SNTG1: variants seen among roughly 807,000 people sequenced by gnomAD.
SNTG1 encodes the protein gamma-1-syntrophin.
In SNTG1, 39 loss-of-function variants were observed where a neutral mutation model predicts 74.7. The observed-to-expected ratio is 0.52, with a 90% CI of 0.40 to 0.68. SNTG1 has a LOEUF of 0.68. SNTG1 is among the 30% of genes least tolerant of loss of function. The pLI is 0.00. For synonymous variants in SNTG1, 254 were observed against 217.1 expected (o/e 1.17, Z -1.49); for missense variants, 685 against 609.5 (o/e 1.12, Z -1.30).
In SNTG1 at chr8:50,067,424, A is replaced by C. The variant is rs533966813; in HGVS notation, c.-102-105137A>C. Among the ~76,000 whole-genome samples the C allele has an allele frequency of 2.6e-5, 4 of 152,324 alleles. No homozygotes were observed. The South Asian group carries it at 8.3e-4, about 32-fold the overall frequency. On this transcript the variant is annotated intron_variant, in intron 1 of 18. Transcript: ENST00000642720. ...ATTAGTCGAAATACAATTGTAGGCC[A>C]TATGGTTGTTTCAGGTCTCTCCATT...
intron 17 of SNTG1, among the ~76,000 whole-genome samples, chr8:50,742,138 T>A (rs75908633): frequency 0.027 from 4,065 of 151,910 alleles, 184 homozygotes; most frequent in African/African-American, 0.093. Context: ...TTATTAATTT[T>A]AAAAAAATCA....
At chr8:49,991,831 G>C (rs552628069) in intron 1 of SNTG1, among the ~76,000 whole-genome samples, 1 of 152,278 alleles carries the variant, frequency 6.6e-6, no homozygotes, top group African/African-American at 2.4e-5. Flanking sequence ...GAATGCTTGT[G>C]AGTACTTCTC....
intron 2 of SNTG1, among the ~76,000 whole-genome samples, chr8:50,275,771 G>T (rs956292027): frequency 3.9e-5 from 6 of 152,102 alleles, no homozygotes; most frequent in African/African-American, 1.4e-4. Context: ...GGACTCCAGC[G>T]ACTACTGCTC....
chr8:50,657,017 G>A lies in SNTG1; in HGVS notation c.958G>A (p.Ala320Thr), dbSNP rs1248076375. The change falls in exon 14 of 19, where the codon GCA becomes ACA. Residue 320 changes from alanine (A) to threonine (T), a missense_variant. Ala to Thr is a moderately conservative substitution (Grantham distance 58). Transcript: ENST00000642720. ...LRGSCLYKFL[A>T]PPVTTWDWTR... Reference sequence around the variant, plus strand: ...GGGCTCATGTCTCTACAAGTTTCTGGCACCTCCAGTACGTGTTTTATTGAA... The same window carrying A: ...GGGCTCATGTCTCTACAAGTTTCTGACACCTCCAGTACGTGTTTTATTGAA... The A allele has an allele frequency of 6.5e-7, 1 of 1,542,000 alleles. No homozygotes were observed.
intron 1 of SNTG1, among the ~76,000 whole-genome samples, chr8:50,092,163 C>T (rs555852488): frequency 2.0e-5 from 3 of 152,260 alleles, no homozygotes; most frequent in African/African-American, 7.2e-5. Flanking sequence ...CCTGGCCCAT[C>T]TGGTTAAGCT....
At chr8:50,021,275 C>T (rs919069189) in intron 1 of SNTG1, among the ~76,000 whole-genome samples, 2 of 152,184 alleles carry the variant, frequency 1.3e-5, no homozygotes, top group Non-Finnish European at 2.9e-5. Context: ...TCTACATTGT[C>T]ATTGTTTCTC....
chr8:50,290,884 A>G (rs2089062264), intron 2 of SNTG1, among the ~76,000 whole-genome samples: 1 of 151,850 alleles, frequency 6.6e-6, no homozygotes, highest in African/African-American at 2.4e-5. Flanking sequence ...CAGCCCCCCA[A>G]GTAGCTGGGA....
At chr8:50,759,696 G>GTA (rs1563813769) in intron 18 of SNTG1, among the ~76,000 whole-genome samples, 1 of 151,544 alleles carries the variant, frequency 6.6e-6, no homozygotes, top group Non-Finnish European at 1.5e-5. Context: ...GTATATATAT[G>GTA]TATATATATG....
chr8:49,971,076 T>A (rs1327811478), intron 1 of SNTG1, among the ~76,000 whole-genome samples: 1 of 152,078 alleles, frequency 6.6e-6, no homozygotes, highest in Non-Finnish European at 1.5e-5. Context: ...AAAAAGAGAA[T>A]TTTAGACCAA....
intron 13 of SNTG1, among the ~76,000 whole-genome samples, chr8:50,631,913 A>C (rs908450929): frequency 3.3e-5 from 5 of 152,238 alleles, no homozygotes; most frequent in African/African-American, 1.2e-4. Flanking sequence ...ATTAGACACT[A>C]AATCAATGCT....
rs566735480 is a variant in SNTG1 at position 50,595,029 on chromosome 8, T to A, written c.849+4112T>A. Among the ~76,000 whole-genome samples, 12 of 147,200 alleles carry A rather than the reference T, an allele frequency of 8.2e-5. No individual in the cohort carries two copies. The South Asian group carries it at 2.5e-3, about 31-fold the overall frequency. The stretch of plus-strand genomic sequence containing the variant: ...TTTAGCTTTATTGAAGATGTGTGTG[T>A]GTGTGTGTGTGTGTGTGTGTGTGTG... On this transcript the variant is annotated intron_variant, in intron 13 of 18. Coordinates refer to ENST00000642720, the MANE Select transcript of SNTG1 (RefSeq NM_018967.5).
rs548080866 is a variant in SNTG1, at chr8:50,242,562, T to C, written c.-28+69927T>C. Among the ~76,000 whole-genome samples, 327 of 150,642 alleles carry C rather than the reference T, an allele frequency of 2.2e-3. 1 individual carries two copies. Among genetic ancestry groups the C allele is most frequent in the African/African-American group, 7.7e-3 (316 of 41,084 alleles). The stretch of plus-strand genomic sequence containing the variant: ...AAAAAAAAACACACCAGGAAATGTA[T>C]TGTATTTATTCTGTAGGTTTTTATG... On this transcript the variant is annotated intron_variant, in intron 2 of 18. Transcript: ENST00000642720.
intron 1 of SNTG1, among the ~76,000 whole-genome samples, chr8:50,145,185 G>A (rs2081813375): frequency 6.6e-6 from 1 of 152,122 alleles, no homozygotes; most frequent in Admixed American, 6.5e-5. Context: ...GAGAAAAGGG[G>A]GAGCCTCATT....
chr8:50,394,999 C>A (rs1008923222), intron 3 of SNTG1, among the ~76,000 whole-genome samples: 3 of 151,908 alleles, frequency 2.0e-5, no homozygotes, highest in Non-Finnish European at 4.4e-5. Context: ...TCAACAAAAA[C>A]CAACCATAAC....
intron 17 of SNTG1, 56 bp downstream of exon 17, chr8:50,709,034 T>C (rs1371129841): frequency 8.0e-7 from 1 of 1,254,774 alleles, no homozygotes; most frequent in East Asian, 2.3e-5. Context: ...AATTGAAGAA[T>C]GATTTAAATG....
intron 18 of SNTG1, among the ~76,000 whole-genome samples, chr8:50,752,650 T>C (rs1382391216): frequency 6.6e-6 from 1 of 151,992 alleles, no homozygotes; most frequent in African/African-American, 2.4e-5. Flanking sequence ...TCTATGGACA[T>C]GAAAGCTCAA....
At chr8:50,012,634 T>C (rs1359875418) in intron 1 of SNTG1, among the ~76,000 whole-genome samples, 1 of 152,086 alleles carries the variant, frequency 6.6e-6, no homozygotes, top group Non-Finnish European at 1.5e-5. Flanking sequence ...AAAAGACAGT[T>C]TGTTACTCAC....
chr8:50,038,031 TC>T (rs1043178028), intron 1 of SNTG1, among the ~76,000 whole-genome samples: 9 of 152,124 alleles, frequency 5.9e-5, no homozygotes, highest in Non-Finnish European at 1.3e-4. Flanking sequence ...CCTTCCACAC[TC>T]CAACTACGAT....
At chr8:50,680,213 A>C (rs1372947896) in intron 15 of SNTG1, among the ~76,000 whole-genome samples, 2 of 152,196 alleles carry the variant, frequency 1.3e-5, no homozygotes, top group East Asian at 3.9e-4. Context: ...CTTCTTCAAA[A>C]AGGATAGTGT....
Sources: allele counts gnomAD v4.1 joint callset (sites outside exome capture counted in the v4.1 genomes callset), GRCh38; gene constraint gnomAD v4.1.1; transcripts MANE v1.5; gene names NCBI Gene and HGNC (gene_info 2026-07-23, HGNC 2026-07-21).